The following TCF7L1 variants were observed in gnomAD, a reference collection of about 807,000 sequenced individuals.
TCF7L1 encodes the protein transcription factor 7 like 1.
TCF7L1 carries 18 observed loss-of-function variants against 63.7 expected under a neutral mutation model. The ratio of observed to expected loss-of-function variants is 0.28; its 90% CI spans 0.20 to 0.42. The LOEUF (loss-of-function observed/expected upper bound fraction) is 0.42. TCF7L1 is among the 10% of genes least tolerant of loss of function. TCF7L1 has a pLI of 1.00. For synonymous variants in TCF7L1, 355 were observed against 340.9 expected (o/e 1.04, Z -0.46); for missense variants, 654 against 779.3 (o/e 0.84, Z 1.91).
intron 3 of TCF7L1, among the ~76,000 whole-genome samples, chr2:85,274,865 A>T (rs1355059523): frequency 6.6e-6 from 1 of 152,166 alleles, no homozygotes. Context: ...CAGATTTCTT[A>T]CAAGCTCCCC....
chr2:85,283,518 C>G lies in TCF7L1; in HGVS notation c.465C>G (p.Leu155=), dbSNP rs909580887. The change falls in exon 4 of 12, where the codon CTC becomes CTG. Residue 155 remains leucine (L), a synonymous_variant. Coordinates refer to ENST00000282111, the MANE Select transcript of TCF7L1 (RefSeq NM_031283.3). ...AGTACCTGCAGATGAAATGGCCCCT[C>G]CTCGATGTCCCCTCCAGCGCCACAG... ...ARTYLQMKWP[L]LDVPSSATVK... The G allele has an allele frequency of 1.2e-5, 19 of 1,614,038 alleles. No homozygotes were observed. Among genetic ancestry groups the G allele is most frequent in the Non-Finnish European group, 1.6e-5 (19 of 1,180,030 alleles).
chr2:85,222,527 C>T (rs1446470675), intron 3 of TCF7L1, among the ~76,000 whole-genome samples: 9 of 150,812 alleles, frequency 6.0e-5, no homozygotes, highest in South Asian at 4.2e-4. Flanking sequence ...AAAATTAGCC[C>T]GGCACAGGGG....
intron 3 of TCF7L1, among the ~76,000 whole-genome samples, chr2:85,265,965 A>G (rs1680963946): frequency 6.6e-6 from 1 of 152,242 alleles, no homozygotes; most frequent in Non-Finnish European, 1.5e-5. Context: ...TTCTCAACAC[A>G]TACATAAAGA....
intron 3 of TCF7L1, among the ~76,000 whole-genome samples, chr2:85,137,113 G>A (rs1432045467): frequency 6.6e-6 from 1 of 152,152 alleles, no homozygotes; most frequent in Non-Finnish European, 1.5e-5. Flanking sequence ...TATAAAATTA[G>A]GTGACCCCAG....
At chr2:85,275,650 G>A (rs2104360434) in intron 3 of TCF7L1, among the ~76,000 whole-genome samples, 1 of 152,216 alleles carries the variant, frequency 6.6e-6, no homozygotes, top group Admixed American at 6.5e-5. Context: ...AGGTGCGGTG[G>A]CTCACCCCTG....
chr2:85,307,080 G>T (rs73943090), intron 10 of TCF7L1, among the ~76,000 whole-genome samples: 11,797 of 152,226 alleles, frequency 0.077, 625 homozygotes, highest in African/African-American at 0.15. Flanking sequence ...GACTTCAGTT[G>T]ATGCATTTCC....
At chr2:85,140,936 T>C (rs1025679302) in intron 3 of TCF7L1, among the ~76,000 whole-genome samples, 15 of 150,196 alleles carry the variant, frequency 1.0e-4, no homozygotes, top group Non-Finnish European at 1.9e-4. Context: ...GAAAAGAGAG[T>C]GTCCTTGGTG....
At chr2:85,221,399 G>A (rs1240679172) in intron 3 of TCF7L1, among the ~76,000 whole-genome samples, 2 of 152,164 alleles carry the variant, frequency 1.3e-5, no homozygotes, top group Non-Finnish European at 2.9e-5. Context: ...AGTTCATTTT[G>A]TGTTGCTGTA....
chr2:85,307,543 G>C, intron 10 of TCF7L1, 99 bp from the exon 11 acceptor site: 2 of 1,033,138 alleles, frequency 1.9e-6, no homozygotes, highest in Non-Finnish European at 3.0e-6. Context: ...ATCGAGAGCA[G>C]TAAAGGGCAA....
At position 85,285,032 on chromosome 2, in the gene TCF7L1, T is replaced by G. The variant is rs182561298; in HGVS notation, c.525+1454T>G. Among the ~76,000 whole-genome samples, 751 of 152,144 alleles carry G rather than the reference T, an allele frequency of 4.9e-3. 5 individuals are homozygous for G. The highest frequency in any genetic ancestry group is 0.016 in the African/African-American group (683 of 41,526). ...GCGGATCACGAGGTCAGGAGATCGA[T>G]ACCATCCTGGCTAACACGGTGAAAC... On this transcript the variant is annotated intron_variant, in intron 4 of 11. Transcript: ENST00000282111.
intron 3 of TCF7L1, chr2:85,204,818 A>G (rs973200641): frequency 6.6e-6 from 1 of 151,914 alleles, no homozygotes; most frequent in African/African-American, 2.4e-5. Flanking sequence ...GGCAGAAATT[A>G]TACCTCATTT....
At chr2:85,276,272 C>T (rs1681266658) in intron 3 of TCF7L1, among the ~76,000 whole-genome samples, 1 of 152,150 alleles carries the variant, frequency 6.6e-6, no homozygotes, top group African/African-American at 2.4e-5. Flanking sequence ...AACTTTAGTA[C>T]AGAAGATAGA....
At chr2:85,262,356 G>T (rs936926559) in intron 3 of TCF7L1, 4 of 426,616 alleles carry the variant, frequency 9.4e-6, no homozygotes, top group South Asian at 2.1e-5. Flanking sequence ...CTGCCTCTGA[G>T]AGCAACTTCC....
chr2:85,151,560 T>C (rs1034132689), intron 3 of TCF7L1, among the ~76,000 whole-genome samples: 1 of 152,200 alleles, frequency 6.6e-6, no homozygotes, highest in Non-Finnish European at 1.5e-5. Flanking sequence ...AAAATGGTGA[T>C]AGTCTATTTG....
At chr2:85,288,898 A>G (rs920402464) in intron 4 of TCF7L1, among the ~76,000 whole-genome samples, 1 of 152,118 alleles carries the variant, frequency 6.6e-6, no homozygotes, top group Non-Finnish European at 1.5e-5. Context: ...CGCAAAACAC[A>G]TATATGCCCC....
In TCF7L1 at chr2:85,134,573, C is replaced by G; in HGVS notation, c.441+123C>G. The G allele has an allele frequency of 7.7e-7, 1 of 1,304,592 alleles. No homozygotes were observed. The highest frequency in any genetic ancestry group is 1.0e-6 in the Non-Finnish European group (1 of 980,428). 80.8% of individuals were successfully genotyped at this position (1,304,592 alleles called of 1,614,324 possible). A position where few individuals can be genotyped will look rare whatever the true frequency, so the allele number is the denominator to read the frequency against. Reference sequence around the variant, plus strand: ...GCCGATCCCAAGCAGAACTTGTTTGCGGAGTTGAACTACTCTCTGGCGGCC... The same window carrying G: ...GCCGATCCCAAGCAGAACTTGTTTGGGGAGTTGAACTACTCTCTGGCGGCC... On this transcript the variant is annotated intron_variant, in intron 3 of 11. Coordinates refer to ENST00000282111, the MANE Select transcript of TCF7L1 (RefSeq NM_031283.3). The surrounding 1 kb of genome is among the most constrained non-coding windows in gnomAD (Gnocchi z 5.0).
chr2:85,223,511 G>A lies in TCF7L1; in HGVS notation c.442-59984G>A, dbSNP rs1311094915. Among the ~76,000 whole-genome samples the A allele has an allele frequency of 2.0e-5, 3 of 152,292 alleles. No homozygotes were observed. The East Asian group carries it at 5.8e-4, about 29-fold the overall frequency. ...GGGGCCGGCAAGGGTAGGGAATAAG[G>A]CCTGATCAAGTGAGCTGCTGGAGGT... is the stretch of plus-strand genomic sequence containing the variant. On this transcript the variant is annotated intron_variant, in intron 3 of 11. Coordinates refer to ENST00000282111, the MANE Select transcript of TCF7L1 (RefSeq NM_031283.3).
chr2:85,290,137 C>A (rs1681671894), intron 4 of TCF7L1, among the ~76,000 whole-genome samples: 1 of 152,078 alleles, frequency 6.6e-6, no homozygotes, highest in South Asian at 2.1e-4. Flanking sequence ...TGCCACCACA[C>A]ATGGCTAATT....
chr2:85,183,204 C>T (rs2104253172), intron 3 of TCF7L1, among the ~76,000 whole-genome samples: 1 of 152,238 alleles, frequency 6.6e-6, no homozygotes, highest in Non-Finnish European at 1.5e-5. Flanking sequence ...TATCAAAATG[C>T]ATTTCAAATG....
Sources: allele counts gnomAD v4.1 joint callset (sites outside exome capture counted in the v4.1 genomes callset), GRCh38; gene constraint gnomAD v4.1.1; non-coding constraint Gnocchi (gnomAD v3.1); transcripts MANE v1.5; gene names NCBI Gene and HGNC (gene_info 2026-07-23, HGNC 2026-07-21).